The following ETFDH variants were observed in gnomAD, a reference collection of about 807,000 sequenced individuals.
ETFDH encodes electron transfer flavoprotein-ubiquinone oxidoreductase, mitochondrial.
A neutral mutation model predicts 73.2 loss-of-function variants in ETFDH; 61 were observed. The observed-to-expected ratio is 0.83, with a 90% CI of 0.68 to 1.03. The LOEUF (loss-of-function observed/expected upper bound fraction) is 1.03, where lower values mean the gene tolerates loss of function less well. Ranked by LOEUF, ETFDH falls within the 50% of genes least tolerant of loss-of-function variation. ETFDH has a pLI of 0.00. For missense variants in ETFDH, 685 were observed against 745.0 expected, an observed-to-expected ratio of 0.92 and a Z score of 0.94; for synonymous variants, 243 against 253.3, an observed-to-expected ratio of 0.96 and a Z score of 0.39.
chr4:158,707,945 G>C (rs1397864860), intron 12 of ETFDH, among the ~76,000 whole-genome samples: 2 of 152,204 alleles, frequency 1.3e-5, no homozygotes, highest in East Asian at 3.8e-4. Context: ...AGATGGAAAA[G>C]GCATCACATT....
chr4:158,704,402 C>T (rs951193148), intron 10 of ETFDH, among the ~76,000 whole-genome samples: 1 of 152,218 alleles, frequency 6.6e-6, no homozygotes, highest in African/African-American at 2.4e-5. Flanking sequence ...ACACTGGCTT[C>T]TTTACAGTTC....
intron 10 of ETFDH, among the ~76,000 whole-genome samples, chr4:158,704,143 A>G (rs114274982): frequency 5.9e-5 from 9 of 152,368 alleles, no homozygotes; most frequent in African/African-American, 1.7e-4. Flanking sequence ...CCACCTAGTT[A>G]GAAACTATTA....
At chr4:158,673,257 C>T (rs140117449) in intron 1 of ETFDH, among the ~76,000 whole-genome samples, 1,819 of 152,234 alleles carry the variant, frequency 0.012, 27 homozygotes, top group African/African-American at 0.038. Context: ...GAGCTGAGAT[C>T]GCACCACTGC....
chr4:158,688,189 C>G (rs890033552), intron 5 of ETFDH, among the ~76,000 whole-genome samples: 3 of 151,928 alleles, frequency 2.0e-5, no homozygotes, highest in Non-Finnish European at 4.4e-5. Flanking sequence ...GTCAAGAGAT[C>G]GAGACCATCC....
intron 2 of ETFDH, 117 bp downstream of exon 2, chr4:158,680,724 T>A (rs1371892243): frequency 3.4e-6 from 3 of 892,950 alleles, no homozygotes; most frequent in East Asian, 5.3e-5. Flanking sequence ...ATTTTGTGGC[T>A]TTACCAAGTC....
intron 6 of ETFDH, among the ~76,000 whole-genome samples, chr4:158,692,322 C>A (rs1430511456): frequency 6.6e-6 from 1 of 150,902 alleles, no homozygotes; most frequent in African/African-American, 2.4e-5. Flanking sequence ...ATGGCGTGAA[C>A]CCAGGAGGCG....
intron 1 of ETFDH, chr4:158,679,594 T>C (rs1773792846): frequency 6.6e-6 from 1 of 152,176 alleles, no homozygotes; most frequent in African/African-American, 2.4e-5. Flanking sequence ...ATTGCTTCTG[T>C]CTTTATGAGG....
chr4:158,681,889 A>G (rs1025185101), intron 2 of ETFDH: 1 of 387,396 alleles, frequency 2.6e-6, no homozygotes, highest in African/African-American at 2.1e-5. Context: ...CATTTCTCAG[A>G]AAGCATTTCT....
chr4:158,699,925 T>G (rs1774413332), intron 9 of ETFDH, among the ~76,000 whole-genome samples: 3 of 152,214 alleles, frequency 2.0e-5, no homozygotes, highest in African/African-American at 4.8e-5. Context: ...GTAGAAATGT[T>G]ATCATACAGG....
Position 158,680,450 on chromosome 4 carries a change from T to C in ETFDH, c.35-17T>C. The stretch of plus-strand genomic sequence containing the variant: ...CTAATTTTAAGGAAGATAATAATTT[T>C]CGTAATTTTTGTGCAGCATATCAGT... On this transcript the variant is annotated splice_polypyrimidine_tract_variant and intron_variant, in intron 1 of 12. Coordinates refer to ENST00000511912, the MANE Select transcript of ETFDH (RefSeq NM_004453.4). 1 of 1,587,958 alleles carries C rather than the reference T, an allele frequency of 6.3e-7. No individual in the cohort carries two copies. The highest frequency in any genetic ancestry group is 8.6e-7 in the Non-Finnish European group (1 of 1,156,534).
intron 6 of ETFDH, among the ~76,000 whole-genome samples, chr4:158,691,110 A>T (rs1774153961): frequency 6.6e-6 from 1 of 152,236 alleles, no homozygotes; most frequent in African/African-American, 2.4e-5. Flanking sequence ...TATTTCATTT[A>T]GTTAAGGAGA....
intron 6 of ETFDH, among the ~76,000 whole-genome samples, chr4:158,694,160 G>T (rs1580410307): frequency 6.6e-6 from 1 of 152,064 alleles, no homozygotes; most frequent in Non-Finnish European, 1.5e-5. Flanking sequence ...CCAAAGAAAA[G>T]GAACGTATAT....
intron 5 of ETFDH, among the ~76,000 whole-genome samples, chr4:158,688,493 G>A (rs1430779684): frequency 6.6e-6 from 1 of 151,032 alleles, no homozygotes; most frequent in African/African-American, 2.4e-5. Context: ...AGACCATGGG[G>A]AAACCCTGTC....
intron 5 of ETFDH, among the ~76,000 whole-genome samples, chr4:158,687,506 G>T (rs1312204829): frequency 6.6e-6 from 1 of 152,148 alleles, no homozygotes; most frequent in East Asian, 1.9e-4. Context: ...AGCCATGACG[G>T]TACATAATTT....
intron 6 of ETFDH, among the ~76,000 whole-genome samples, chr4:158,693,857 C>A (rs1433336103): frequency 3.9e-5 from 6 of 151,946 alleles, no homozygotes; most frequent in African/African-American, 1.2e-4. Flanking sequence ...TAAACATCGA[C>A]AAGAAAAAAG....
In ETFDH at chr4:158,699,165, T is replaced by G. The variant is rs778970096; in HGVS notation, c.1116+35T>G. ...CCAACTTTTATTTTCCTTGTTTCTG[T>G]ATTATAAATTCAGAATTGAACATAT... On this transcript the variant is annotated intron_variant, in intron 9 of 12. Coordinates refer to ENST00000511912, the MANE Select transcript of ETFDH (RefSeq NM_004453.4). The G allele has an allele frequency of 7.6e-5, 118 of 1,557,460 alleles. 1 individual carries two copies. The highest frequency in any genetic ancestry group is 1.0e-4 in the Non-Finnish European group (117 of 1,128,432).
At position 158,676,470 on chromosome 4, in the gene ETFDH, C is replaced by T. The variant is rs150943786; in HGVS notation, c.34+3980C>T. On this transcript the variant is annotated intron_variant, in intron 1 of 12. Transcript: ENST00000511912. ...CTGCATGACTCTTAAACCATAATTT[C>T]TAATCTTGTAGCTAATTTGTTAGTC... 1.8e-4 allele frequency among the ~76,000 whole-genome samples: 28 copies of T among 152,310 alleles called. 1 individual carries two copies. In the East Asian group the frequency reaches 3.1e-3, roughly 17 times the overall value.
Position 158,672,303 on chromosome 4 carries a change from A to C in ETFDH, c.-154A>C. 2.5e-6 allele frequency: 2 copies of C among 798,936 alleles called. No individual in the cohort carries two copies. Among genetic ancestry groups the C allele is most frequent in the Non-Finnish European group, 4.4e-6 (2 of 454,376 alleles). 49.5% of individuals were successfully genotyped at this position (798,936 alleles called of 1,614,324 possible). A position where few individuals can be genotyped will look rare whatever the true frequency, so the allele number is the denominator to read the frequency against. On this transcript the variant is annotated 5_prime_UTR_variant, in exon 1 of 13. Coordinates refer to ENST00000511912, the MANE Select transcript of ETFDH (RefSeq NM_004453.4). ...GAAGGAGGTGGGAACGCCGTGAAGC[A>C]AGAGCGGTCGGCAGAGCGGGGAGGC...
intron 5 of ETFDH, among the ~76,000 whole-genome samples, chr4:158,688,957 A>G (rs1377650910): frequency 6.6e-6 from 1 of 152,118 alleles, no homozygotes; most frequent in African/African-American, 2.4e-5. Flanking sequence ...CTTAGAGCCA[A>G]ACACCTACCC....
Sources: allele counts gnomAD v4.1 joint callset (sites outside exome capture counted in the v4.1 genomes callset), GRCh38; gene constraint gnomAD v4.1.1; transcripts MANE v1.5; gene names NCBI Gene and HGNC (gene_info 2026-07-23, HGNC 2026-07-21).